Variants in ACAD11 observed in about 807,000 individuals in gnomAD.
The protein encoded by ACAD11 is acyl-Coenzyme A dehydrogenase family, member 11.
A neutral mutation model predicts 102.2 loss-of-function variants in ACAD11; 83 were observed. The ratio of observed to expected loss-of-function variants is 0.81; its 90% CI spans 0.68 to 0.97. The LOEUF is 0.97. ACAD11 is among the 50% of genes least tolerant of loss of function. The pLI is 0.00. For synonymous variants in ACAD11, 324 were observed against 319.8 expected (o/e 1.01, Z -0.14); for missense variants, 901 against 951.7 (o/e 0.95, Z 0.70).
intron 11 of ACAD11, chr3:132,618,232 T>G: frequency 5.9e-6 from 1 of 169,842 alleles, no homozygotes; most frequent in Non-Finnish European, 1.2e-5. Context: ...GCTCGGGACA[T>G]AGTAGGTAAT....
intron 13 of ACAD11, chr3:132,602,246 G>A (rs79521265): frequency 0.064 from 10,645 of 165,906 alleles, 445 homozygotes; most frequent in Middle Eastern, 0.092. Context: ...AACATTCCTG[G>A]TAAGTTCCTA....
Position 132,559,009 on chromosome 3 carries a change from G to A in ACAD11, c.2305C>T (p.Leu769=). The A allele has an allele frequency of 1.2e-6, 2 of 1,613,756 alleles. No individual in the cohort carries two copies. The highest frequency in any genetic ancestry group is 1.7e-6 in the Non-Finnish European group (2 of 1,179,796). Residue 769 remains leucine, a synonymous_variant, in exon 20 of 20, where the codon CTG becomes TTG. Coordinates refer to ENST00000264990, the MANE Select transcript of ACAD11 (RefSeq NM_032169.5). ...VHLSAIATME[L]RDQAKRLTAK... ...GTCAGTCTTTTGGCTTGGTCCCGCA[G>A]CTCCATTGTTGCGATTGCTGAAAGA...
At chr3:132,598,548 A>T (rs1167180539) in intron 13 of ACAD11, among the ~76,000 whole-genome samples, 1 of 152,232 alleles carries the variant, frequency 6.6e-6, no homozygotes, top group Non-Finnish European at 1.5e-5. Context: ...TCCTTTCCAC[A>T]GAATGGATCA....
intron 1 of ACAD11, among the ~76,000 whole-genome samples, chr3:132,645,464 T>C (rs1940682457): frequency 6.6e-6 from 1 of 152,152 alleles, no homozygotes; most frequent in South Asian, 2.1e-4. Context: ...CACCAGGGCA[T>C]TGACTTTCCC....
chr3:132,628,472 A>C (rs1939908988), intron 7 of ACAD11, 26 bp from the exon 8 acceptor site: 9 of 1,485,328 alleles, frequency 6.1e-6, no homozygotes, highest in Non-Finnish European at 8.3e-6. Context: ...GAACAATTAA[A>C]ATTCATTGAA....
At chr3:132,635,305 T>A (rs1940233565) in intron 5 of ACAD11, among the ~76,000 whole-genome samples, 1 of 151,908 alleles carries the variant, frequency 6.6e-6, no homozygotes, top group Non-Finnish European at 1.5e-5. Context: ...GATTTCAATA[T>A]ACTATGGGGG....
intron 1 of ACAD11, chr3:132,648,733 A>C (rs1940810587): frequency 6.6e-6 from 1 of 152,228 alleles, no homozygotes; most frequent in Admixed American, 6.5e-5. Context: ...AAGTGCGTTT[A>C]ATAAAACCAC....
chr3:132,584,609 T>C (rs1249295215), intron 13 of ACAD11, among the ~76,000 whole-genome samples: 1 of 152,220 alleles, frequency 6.6e-6, no homozygotes, highest in Non-Finnish European at 1.5e-5. Context: ...ATTATGATGT[T>C]AGCTGGTTAT....
chr3:132,595,851 T>C (rs113667784), intron 13 of ACAD11, among the ~76,000 whole-genome samples: 2,409 of 152,072 alleles, frequency 0.016, 62 homozygotes, highest in African/African-American at 0.055. Context: ...TTGGTGGGAG[T>C]GTAGAAAACA....
rs922557548 is a variant in ACAD11, at chr3:132,659,761, C to G, written c.-10G>C. 1 of 1,584,900 alleles carries G rather than the reference C, an allele frequency of 6.3e-7. No homozygotes were observed. The highest frequency in any genetic ancestry group is 8.6e-7 in the Non-Finnish European group (1 of 1,164,880). ...TAGCACCTGGCTTCATGATCACCCC[C>G]GCAGGCCACAGCAACGCGGCATCCA... On this transcript the variant is annotated 5_prime_UTR_variant, in exon 1 of 20. Coordinates refer to ENST00000264990, the MANE Select transcript of ACAD11 (RefSeq NM_032169.5).
rs537971570 is a variant in ACAD11, at chr3:132,626,608, A to G, written c.1197+83T>C. 18 of 1,505,902 alleles carry G rather than the reference A, an allele frequency of 1.2e-5. No homozygotes were observed. The East Asian group carries it at 3.4e-4, about 28-fold the overall frequency. The allele number at this position is 1,505,902 out of a possible 1,614,324, so 93.3% of individuals were successfully genotyped here. A position where few individuals can be genotyped will look rare whatever the true frequency, so the allele number is the denominator to read the frequency against. On this transcript the variant is annotated intron_variant, in intron 9 of 19. Coordinates refer to ENST00000264990, the MANE Select transcript of ACAD11 (RefSeq NM_032169.5). ...AGGATTGACTAAAGAAAATGACACC[A>G]TGCTTCTCCTATAAGCAGAAATAAC...
At position 132,583,667 on chromosome 3, in the gene ACAD11, G is replaced by A. The variant is rs1937664496; in HGVS notation, c.1622-4109C>T. On this transcript the variant is annotated intron_variant, in intron 13 of 19. Transcript: ENST00000264990. ...AGGGTATCAATTTTAGGTCTTTCCT[G>A]CTTTCTCTTGTGGGCATTTAGTGCC... Among the ~76,000 whole-genome samples, 3 of 151,970 alleles carry A rather than the reference G, an allele frequency of 2.0e-5. No individual in the cohort carries two copies. The South Asian group carries it at 6.2e-4, about 32-fold the overall frequency.
At chr3:132,624,797 C>T (rs1939749355) in intron 9 of ACAD11, among the ~76,000 whole-genome samples, 1 of 151,656 alleles carries the variant, frequency 6.6e-6, no homozygotes, top group South Asian at 2.1e-4. Context: ...AGCAATCCTC[C>T]CACCTCAGCC....
At chr3:132,597,710 A>C (rs1194945252) in intron 13 of ACAD11, among the ~76,000 whole-genome samples, 1 of 151,556 alleles carries the variant, frequency 6.6e-6, no homozygotes, top group Non-Finnish European at 1.5e-5. Flanking sequence ...TTCCATTTCT[A>C]CTCTTTTTTA....
chr3:132,608,342 C>G (rs1938949620), intron 11 of ACAD11, among the ~76,000 whole-genome samples: 1 of 152,020 alleles, frequency 6.6e-6, no homozygotes, highest in African/African-American at 2.4e-5. Context: ...ATTGGATAAA[C>G]AGTCAAGACC....
At chr3:132,573,872 G>A (rs1401807035) in intron 17 of ACAD11, among the ~76,000 whole-genome samples, 1 of 152,172 alleles carries the variant, frequency 6.6e-6, no homozygotes, top group African/African-American at 2.4e-5. Flanking sequence ...AAATTAGAAG[G>A]CAGCTGGAAG....
At chr3:132,561,005 T>A in intron 18 of ACAD11, 96 bp downstream of exon 18, 1 of 881,018 alleles carries the variant, frequency 1.1e-6, no homozygotes, top group Non-Finnish European at 1.9e-6. Context: ...ATATTCTGAG[T>A]GCCATCAAGA....
At chr3:132,613,830 C>T (rs1324130456) in intron 11 of ACAD11, among the ~76,000 whole-genome samples, 5 of 151,804 alleles carry the variant, frequency 3.3e-5, no homozygotes, top group South Asian at 2.1e-4. Flanking sequence ...GCCTGGGAGG[C>T]GGAGGTTGCA....
At chr3:132,560,303 AATGATTAT>A (rs1238161048) in intron 18 of ACAD11, among the ~76,000 whole-genome samples, 2 of 152,136 alleles carry the variant, frequency 1.3e-5, no homozygotes, top group African/African-American at 4.8e-5. Flanking sequence ...TTTAGAATTA[AATGATTAT>A]GTCTTTATTT....
Sources: gnomAD v4.1 joint callset for allele counts (sites outside exome capture counted in the v4.1 genomes callset) on GRCh38, gnomAD v4.1.1 for gene constraint, MANE v1.5 for transcripts, NCBI Gene and HGNC (gene_info 2026-07-23, HGNC 2026-07-21) for gene names.